ASIC2: variants seen among roughly 807,000 people sequenced by gnomAD.
ASIC2 encodes the protein acid sensing ion channel subunit 2.
Under a neutral mutation model 57.3 loss-of-function variants are expected in ASIC2, and 25 were observed. The ratio of observed to expected loss-of-function variants is 0.44; its 90% confidence interval spans 0.32 to 0.61. The LOEUF is 0.61. Ranked by LOEUF, ASIC2 falls within the 20% of genes least tolerant of loss-of-function variation. The pLI is 0.06. For missense variants in ASIC2, 641 were observed against 738.1 expected (o/e 0.87, Z 1.52); for synonymous variants, 319 against 307.5 (o/e 1.04, Z -0.39).
At chr17:33,587,348 TCAGTGG>T (rs1904672732) in intron 1 of ASIC2, among the ~76,000 whole-genome samples, 1 of 152,208 alleles carries the variant, frequency 6.6e-6, no homozygotes, top group East Asian at 1.9e-4. Flanking sequence ...CAGGGTCAGT[TCAGTGG>T]CTCAGTGATG....
intron 1 of ASIC2, among the ~76,000 whole-genome samples, chr17:33,299,218 A>AT (rs1905848230): frequency 6.6e-6 from 1 of 152,234 alleles, no homozygotes; most frequent in Non-Finnish European, 1.5e-5. Context: ...CCAAAACAGC[A>AT]TGGTACTGGT....
intron 1 of ASIC2, among the ~76,000 whole-genome samples, chr17:34,058,279 G>C (rs1177389918): frequency 6.6e-6 from 1 of 152,182 alleles, no homozygotes; most frequent in African/African-American, 2.4e-5. Context: ...CAATGATACT[G>C]AATGACATAA....
At chr17:33,763,261 A>C (rs2142114123) in intron 1 of ASIC2, among the ~76,000 whole-genome samples, 1 of 152,328 alleles carries the variant, frequency 6.6e-6, no homozygotes, top group South Asian at 2.1e-4. Flanking sequence ...GTATGTGCTC[A>C]GTAAATATCT....
chr17:33,510,332 A>G (rs1463021242), intron 1 of ASIC2, among the ~76,000 whole-genome samples: 3 of 152,188 alleles, frequency 2.0e-5, no homozygotes, highest in Non-Finnish European at 2.9e-5. Context: ...TTCACATACA[A>G]TTCTGGATTC....
At chr17:34,071,863 C>T (rs2142068852) in intron 1 of ASIC2, 1 of 151,892 alleles carries the variant, frequency 6.6e-6, no homozygotes, top group South Asian at 2.1e-4. Context: ...GTCTCAAAGA[C>T]ATTTTCTAGG....
intron 1 of ASIC2, among the ~76,000 whole-genome samples, chr17:33,857,478 C>G (rs1038959109): frequency 1.3e-5 from 2 of 152,088 alleles, no homozygotes; most frequent in East Asian, 3.9e-4. Flanking sequence ...ACACCTAGAC[C>G]CCTTTCCGCT....
rs183527103 is a variant in ASIC2 at position 34,025,015 on chromosome 17, G to A, written c.555+130963C>T. ...GAGCTGGCCAACATGGGGCCTCTTG[G>A]AGGCCCCCAGTGGACAGCACTTTGT... is the stretch of plus-strand genomic sequence containing the variant. On this transcript the variant is annotated intron_variant, in intron 1 of 9. Coordinates refer to the ASIC2 transcript ENST00000359872. Among the ~76,000 whole-genome samples, 1,410 of 152,298 alleles carry A rather than the reference G, an allele frequency of 9.3e-3. 11 individuals carry two copies. The highest frequency in any genetic ancestry group is 0.078 in the Middle Eastern group (23 of 294).
At chr17:34,099,410 GGAAAGAAAGAAT>G (rs1910725370) in intron 1 of ASIC2, among the ~76,000 whole-genome samples, 2 of 95,258 alleles carry the variant, frequency 2.1e-5, no homozygotes, top group Admixed American at 1.3e-4. Context: ...GAGGAAGGAA[GGAAAGAAAGAAT>G]GAAAGAAAGA....
At chr17:34,137,779 C>A (rs1202172429) in intron 1 of ASIC2, among the ~76,000 whole-genome samples, 1 of 152,108 alleles carries the variant, frequency 6.6e-6, no homozygotes, top group Non-Finnish European at 1.5e-5. Flanking sequence ...ATAGATGGTG[C>A]CTTCTAGCTG....
intron 1 of ASIC2, among the ~76,000 whole-genome samples, chr17:33,522,134 C>T (rs546818341): frequency 6.6e-6 from 1 of 152,194 alleles, no homozygotes; most frequent in South Asian, 2.1e-4. Context: ...TCAGTCCCCC[C>T]ACTCCTTCCT....
chr17:33,198,068 G>C (rs1025548082), intron 1 of ASIC2, among the ~76,000 whole-genome samples: 2 of 152,180 alleles, frequency 1.3e-5, no homozygotes, highest in Admixed American at 6.5e-5. Flanking sequence ...TAACATCATA[G>C]ACTTGGTGTG....
In ASIC2 at chr17:33,072,940, C is replaced by T. The variant is rs561453823; in HGVS notation, c.987+15923G>A. ...ATGCAGCAATCAACGCCATCCCAGG[C>T]GAGCCTCTGTGCTGCCTGGATTCAC... On this transcript the variant is annotated intron_variant, in intron 3 of 9. Coordinates refer to ENST00000225823, the MANE Select transcript of ASIC2 (RefSeq NM_183377.2). Among the ~76,000 whole-genome samples, 12 of 152,348 alleles carry T rather than the reference C, an allele frequency of 7.9e-5. No individual in the cohort carries two copies. In the East Asian group the frequency reaches 2.1e-3, roughly 27 times the overall value.
In ASIC2 at chr17:34,095,648, TATATATAATTTTATATATATATAG is replaced by T. The variant is rs1403308449; in HGVS notation, c.555+60306_555+60329del. 3.0e-3 allele frequency among the ~76,000 whole-genome samples: 246 copies of T among 83,102 alleles called. 4 individuals are homozygous for T. Among genetic ancestry groups the T allele is most frequent in the African/African-American group, 0.019 (228 of 12,258 alleles). The allele number at this position is 83,102 out of a possible 152,430, so 54.5% of individuals were successfully genotyped here. On this transcript the variant is annotated intron_variant, in intron 1 of 9. Transcript: ENST00000359872. The stretch of plus-strand genomic sequence containing the variant: ...ATATATAATTTTATATATATATATA[TATATATAATTTTATATATATATAG>T]AGAGAGAGATATATATAATTTTATA...
Position 33,968,263 on chromosome 17 carries a change from C to T in ASIC2, c.555+187715G>A, listed in dbSNP as rs529465762. Among the ~76,000 whole-genome samples the T allele has an allele frequency of 8.5e-5, 13 of 152,316 alleles. No individual in the cohort carries two copies. The East Asian group carries it at 1.2e-3, about 14-fold the overall frequency. On this transcript the variant is annotated intron_variant, in intron 1 of 9. Coordinates refer to the ASIC2 transcript ENST00000359872. Reference sequence around the variant, plus strand: ...TCCTGCTACACTGATCCAAATAAAACGGTGCCTGCCCCCCAACCCCCAATT... The same window carrying T: ...TCCTGCTACACTGATCCAAATAAAATGGTGCCTGCCCCCCAACCCCCAATT...
chr17:33,680,093 AC>A (rs1907954147), intron 1 of ASIC2, among the ~76,000 whole-genome samples: 1 of 151,892 alleles, frequency 6.6e-6, no homozygotes, highest in Non-Finnish European at 1.5e-5. Context: ...CTGGTGGTGT[AC>A]CCCCTTGACT....
intron 1 of ASIC2, among the ~76,000 whole-genome samples, chr17:33,437,270 C>A (rs568818128): frequency 1.4e-4 from 21 of 152,254 alleles, no homozygotes; most frequent in African/African-American, 5.1e-4. Flanking sequence ...CCTCAGCCTC[C>A]CAAGGAGCTG....
chr17:33,984,523 C>CACGT (rs1442503555), intron 1 of ASIC2: 1 of 152,224 alleles, frequency 6.6e-6, no homozygotes, highest in Non-Finnish European at 1.5e-5. Context: ...AGGCCCATGG[C>CACGT]ACGTAAAAGG....
At position 34,086,488 on chromosome 17, in the gene ASIC2, T is replaced by A. The variant is rs955930977; in HGVS notation, c.555+69490A>T. Among the ~76,000 whole-genome samples, 22 of 152,044 alleles carry A rather than the reference T, an allele frequency of 1.4e-4. 1 individual carries two copies. Among genetic ancestry groups the A allele is most frequent in the African/African-American group, 4.8e-4 (20 of 41,500 alleles). ...GTGGTCAATTTTGGAATAGGTGTGGTGTGGTGCTGAAAAAAATGTATATTC... is the reference window on the plus strand; with the variant it reads ...GTGGTCAATTTTGGAATAGGTGTGGAGTGGTGCTGAAAAAAATGTATATTC... On this transcript the variant is annotated intron_variant, in intron 1 of 9. Coordinates refer to the ASIC2 transcript ENST00000359872.
intron 1 of ASIC2, among the ~76,000 whole-genome samples, chr17:34,076,534 A>T (rs573565131): frequency 6.6e-6 from 1 of 152,324 alleles, no homozygotes; most frequent in South Asian, 2.1e-4. Flanking sequence ...TCCTGAAAAA[A>T]GTATATCCCA....
Sources: allele counts gnomAD v4.1 joint callset (sites outside exome capture counted in the v4.1 genomes callset), GRCh38; gene constraint gnomAD v4.1.1; transcripts MANE v1.5; gene names NCBI Gene and HGNC (gene_info 2026-07-23, HGNC 2026-07-21).